ITPR2: variants seen among roughly 807,000 people sequenced by gnomAD.
ITPR2 encodes inositol 1,4,5-trisphosphate receptor type 2, also known as inositol 1,4,5-trisphosphate-gated calcium channel ITPR2.
In ITPR2, 207 loss-of-function variants were observed where a neutral mutation model predicts 317.1. That is an observed-to-expected ratio of 0.65 (90% CI 0.58 to 0.73). The LOEUF is 0.73. ITPR2 is among the 30% of genes least tolerant of loss of function. ITPR2 has a pLI of 0.00. For synonymous variants in ITPR2, 1,156 were observed against 1,149.1 expected (o/e 1.01, Z -0.12); for missense variants, 2,613 against 3,284.0 (o/e 0.80, Z 4.99).
At chr12:26,488,001 G>A (rs1446973670) in intron 39 of ITPR2, among the ~76,000 whole-genome samples, 1 of 152,166 alleles carries the variant, frequency 6.6e-6, no homozygotes, top group Non-Finnish European at 1.5e-5. Context: ...TTTGTAAGAT[G>A]TGGAAATATT....
intron 43 of ITPR2, among the ~76,000 whole-genome samples, chr12:26,480,870 T>A (rs1942531246): frequency 6.7e-6 from 1 of 148,762 alleles, no homozygotes; most frequent in South Asian, 2.1e-4. Context: ...AAATAAAAAA[T>A]AAAATAAAAA....
chr12:26,471,540 T>C (rs1942291031), intron 45 of ITPR2, among the ~76,000 whole-genome samples: 1 of 152,216 alleles, frequency 6.6e-6, no homozygotes. Context: ...TATAGTTTTA[T>C]GTAGATCAGA....
At chr12:26,744,732 A>G (rs1383877086) in intron 2 of ITPR2, among the ~76,000 whole-genome samples, 1 of 152,264 alleles carries the variant, frequency 6.6e-6, no homozygotes, top group Non-Finnish European at 1.5e-5. Flanking sequence ...AACAGGAAGT[A>G]GAGAACACAG....
intron 32 of ITPR2, among the ~76,000 whole-genome samples, chr12:26,595,090 C>G (rs1945808877): frequency 6.6e-6 from 1 of 152,178 alleles, no homozygotes; most frequent in Non-Finnish European, 1.5e-5. Flanking sequence ...GTCAAGACCT[C>G]TTTAGGTCTC....
chr12:26,607,075 C>T (rs1946147581), intron 26 of ITPR2, among the ~76,000 whole-genome samples: 1 of 152,188 alleles, frequency 6.6e-6, no homozygotes, highest in Non-Finnish European at 1.5e-5. Context: ...ATTAAAATAA[C>T]TTGGTGCATG....
At position 26,580,046 on chromosome 12, in the gene ITPR2, T is replaced by C. The variant is rs557295724; in HGVS notation, c.4490A>G (p.Asp1497Gly). The change falls in exon 33 of 57, where the codon GAC (aspartate) becomes GGC (glycine). Residue 1497 changes from aspartate (D) to glycine (G), a missense_variant. Transcript: ENST00000381340. ...VSGFFNSPFS[D>G]NSTSLQTHQP... ...ACTTACCTGGAGGCTGGTACTATTG[T>C]CTGAAAAGGGAGAATTAAAGAAGCC... The C allele has an allele frequency of 6.2e-7, 1 of 1,612,156 alleles. No individual in the cohort carries two copies. The highest frequency in any genetic ancestry group is 2.2e-5 in the East Asian group (1 of 44,828).
At chr12:26,784,355 C>CGCTCT (rs1565762706) in intron 2 of ITPR2, among the ~76,000 whole-genome samples, 2 of 87,998 alleles carry the variant, frequency 2.3e-5, no homozygotes, top group Non-Finnish European at 5.6e-5. Context: ...CTCTCCCTCT[C>CGCTCT]CCTCTCCCTC....
chr12:26,671,706 C>T (rs2136938868), intron 13 of ITPR2, among the ~76,000 whole-genome samples: 1 of 152,046 alleles, frequency 6.6e-6, no homozygotes, highest in South Asian at 2.1e-4. Context: ...ACAATATTAA[C>T]TTTAAATGTA....
At chr12:26,636,194 G>C (rs1946861125) in intron 21 of ITPR2, among the ~76,000 whole-genome samples, 1 of 152,186 alleles carries the variant, frequency 6.6e-6, no homozygotes, top group Non-Finnish European at 1.5e-5. Flanking sequence ...ACTCCTTTCT[G>C]ATTTGTGGTG....
intron 34 of ITPR2, among the ~76,000 whole-genome samples, chr12:26,563,112 C>T (rs1179033936): frequency 1.3e-5 from 2 of 152,100 alleles, no homozygotes; most frequent in Admixed American, 1.3e-4. Context: ...ATAGACATAG[C>T]AGTTGGCAGA....
At chr12:26,446,346 G>A (rs775566393) in intron 45 of ITPR2, among the ~76,000 whole-genome samples, 3 of 152,028 alleles carry the variant, frequency 2.0e-5, no homozygotes, top group African/African-American at 4.8e-5. Flanking sequence ...AATGAGATAC[G>A]TAGTTTTGTT....
At chr12:26,380,385 G>A (rs1173292219) in intron 55 of ITPR2, among the ~76,000 whole-genome samples, 1 of 152,190 alleles carries the variant, frequency 6.6e-6, no homozygotes, top group Non-Finnish European at 1.5e-5. Context: ...AAAATCCAGA[G>A]AGGGGCATTT....
intron 45 of ITPR2, among the ~76,000 whole-genome samples, chr12:26,454,193 TTTTG>T (rs1433738634): frequency 2.6e-5 from 4 of 152,256 alleles, no homozygotes; most frequent in African/African-American, 7.2e-5. Flanking sequence ...ATGTGGTGTT[TTTTG>T]TTTGTTTGCT....
intron 52 of ITPR2, among the ~76,000 whole-genome samples, chr12:26,410,346 G>A (rs1245044063): frequency 6.6e-6 from 1 of 152,132 alleles, no homozygotes; most frequent in Non-Finnish European, 1.5e-5. Context: ...ATGTATTCAT[G>A]TGCTTAATTC....
At chr12:26,737,358 C>T (rs61920161) in intron 2 of ITPR2, among the ~76,000 whole-genome samples, 2,989 of 152,020 alleles carry the variant, frequency 0.02, 38 homozygotes, top group South Asian at 0.051. Context: ...CAGGTTCAAG[C>T]GATTCTCCTG....
chr12:26,342,235 A>T (rs1317421031), intron 55 of ITPR2, among the ~76,000 whole-genome samples: 1 of 152,036 alleles, frequency 6.6e-6, no homozygotes, highest in Non-Finnish European at 1.5e-5. Flanking sequence ...GATGCATGTT[A>T]ATGTGTGAAC....
intron 54 of ITPR2, among the ~76,000 whole-genome samples, chr12:26,394,413 T>G (rs913529948): frequency 6.6e-6 from 1 of 152,178 alleles, no homozygotes; most frequent in Admixed American, 6.5e-5. Flanking sequence ...TCTAGAACAA[T>G]GGCATTAGAG....
Position 26,398,348 on chromosome 12 carries a change from G to A in ITPR2, c.7696+528C>T, listed in dbSNP as rs575468982. Among the ~76,000 whole-genome samples, 30 of 152,146 alleles carry A rather than the reference G, an allele frequency of 2.0e-4. No individual in the cohort carries two copies. The South Asian group carries it at 5.8e-3, about 30-fold the overall frequency. ...TGAGGTAGAAGAATCACTTGAACCC[G>A]GGAGGCAGAGGTTGCACTGAGCTGA... On this transcript the variant is annotated intron_variant, in intron 54 of 56. Transcript: ENST00000381340.
intron 11 of ITPR2, among the ~76,000 whole-genome samples, chr12:26,685,402 C>A (rs992597783): frequency 1.3e-5 from 2 of 152,044 alleles, no homozygotes; most frequent in African/African-American, 4.8e-5. Flanking sequence ...TCAAGACCAG[C>A]CTGCGCAATA....
Sources: gnomAD v4.1 joint callset for allele counts (sites outside exome capture counted in the v4.1 genomes callset) on GRCh38, gnomAD v4.1.1 for gene constraint, MANE v1.5 for transcripts, NCBI Gene and HGNC (gene_info 2026-07-23, HGNC 2026-07-21) for gene names.